SV2C: variants seen among roughly 807,000 people sequenced by gnomAD.
The protein encoded by SV2C is solute carrier family 22 member B3.
In SV2C, 49 loss-of-function variants were observed where a neutral mutation model predicts 79.7. The ratio of observed to expected loss-of-function variants is 0.61; its 90% CI spans 0.49 to 0.78. The LOEUF is 0.78. SV2C is among the 30% of genes least tolerant of loss of function. The pLI, the probability that SV2C is intolerant of heterozygous loss-of-function variation, is 0.00. For synonymous variants in SV2C, 334 were observed against 333.2 expected, an observed-to-expected ratio of 1.00 and a Z score of -0.03; for missense variants, 833 against 912.9, an observed-to-expected ratio of 0.91 and a Z score of 1.13.
chr5:76,180,936 G>A (rs1025588878), intron 2 of SV2C, among the ~76,000 whole-genome samples: 3 of 151,980 alleles, frequency 2.0e-5, no homozygotes. Flanking sequence ...CTTCTTCTTG[G>A]CCATATCCTT....
chr5:76,072,205 T>C, the SV2C span, among the ~76,000 whole-genome samples: 12 of 152,306 alleles, frequency 7.9e-5, no homozygotes, highest in East Asian at 2.1e-3. Flanking sequence ...GAGTTCCTTA[T>C]ATAGAAAAAC....
the SV2C span, among the ~76,000 whole-genome samples, chr5:75,871,634 G>A: frequency 1.3e-5 from 2 of 151,476 alleles, no homozygotes; most frequent in East Asian, 1.9e-4. Flanking sequence ...ATGGTGAAAC[G>A]CCGTCTCTAC....
At chr5:75,911,596 C>T in the SV2C span, 1 of 684,596 alleles carries the variant, frequency 1.5e-6, no homozygotes, top group South Asian at 1.6e-5. Context: ...ACAAAAGAAG[C>T]CAGTAAGAAC....
chr5:76,157,576 CACAT>C (rs1742770082), intron 2 of SV2C, among the ~76,000 whole-genome samples: 1 of 151,742 alleles, frequency 6.6e-6, no homozygotes, highest in African/African-American at 2.4e-5. Context: ...CATATATACA[CACAT>C]ACATATATAT....
intron 10 of SV2C, among the ~76,000 whole-genome samples, chr5:76,300,360 C>G (rs1747945245): frequency 6.6e-6 from 1 of 151,846 alleles, no homozygotes; most frequent in Non-Finnish European, 1.5e-5. Context: ...AGTATGGACA[C>G]TATTAGTACT....
At chr5:76,300,956 AT>A in intron 11 of SV2C, 24 bp downstream of exon 11, 1 of 1,612,460 alleles carries the variant, frequency 6.2e-7, no homozygotes, top group Non-Finnish European at 8.5e-7. Flanking sequence ...TTCATGTCAA[AT>A]AAAAGAGCTG....
the SV2C span, among the ~76,000 whole-genome samples, chr5:76,069,859 A>AACAC: frequency 7.3e-5 from 4 of 55,130 alleles, no homozygotes; most frequent in African/African-American, 9.5e-5. Context: ...CACACACACA[A>AACAC]ACACACACAC....
intron 3 of SV2C, among the ~76,000 whole-genome samples, chr5:76,200,503 CCTGT>C (rs1324075079): frequency 2.6e-5 from 4 of 152,312 alleles, no homozygotes; most frequent in Admixed American, 6.5e-5. Flanking sequence ...CCAAGGTTTA[CCTGT>C]CTGTGTGTTG....
At chr5:76,269,078 A>T (rs779190320) in intron 4 of SV2C, among the ~76,000 whole-genome samples, 1 of 152,022 alleles carries the variant, frequency 6.6e-6, no homozygotes, top group Non-Finnish European at 1.5e-5. Flanking sequence ...TCACAGCAAG[A>T]TTTCTCCTCC....
rs1296663385 is a variant in SV2C at position 76,326,414 on chromosome 5, A to G, written c.*867A>G. 1 of 152,208 alleles carries G rather than the reference A, an allele frequency of 6.6e-6. No homozygotes were observed. Among genetic ancestry groups the G allele is most frequent in the East Asian group, 1.9e-4 (1 of 5,200 alleles). 9.4% of individuals were successfully genotyped at this position (152,208 alleles called of 1,614,324 possible). ...GCTGCTTCTTAAAAACTGTCTGCCT[A>G]CCTGATTCTGCCACTTACCCACACT... On this transcript the variant is annotated 3_prime_UTR_variant, in exon 13 of 13. Coordinates refer to ENST00000502798, the MANE Select transcript of SV2C (RefSeq NM_014979.4).
chr5:76,085,847 A>ACACC (rs1325095803), intron 1 of SV2C, among the ~76,000 whole-genome samples: 3 of 151,788 alleles, frequency 2.0e-5, no homozygotes, highest in African/African-American at 7.3e-5. Flanking sequence ...ACACACACAC[A>ACACC]CACACACACA....
chr5:76,157,658 T>A (rs1318973899), intron 2 of SV2C, among the ~76,000 whole-genome samples: 1 of 151,760 alleles, frequency 6.6e-6, no homozygotes, highest in Admixed American at 6.6e-5. Context: ...GTGGAGGCAA[T>A]ATTATATTGG....
At chr5:75,978,445 A>T in the SV2C span, among the ~76,000 whole-genome samples, 1 of 152,172 alleles carries the variant, frequency 6.6e-6, no homozygotes, top group Non-Finnish European at 1.5e-5. Context: ...TAATCACTCT[A>T]AAATTTATTA....
chr5:75,895,007 T>G, the SV2C span, among the ~76,000 whole-genome samples: 1 of 152,232 alleles, frequency 6.6e-6, no homozygotes, highest in African/African-American at 2.4e-5. Flanking sequence ...CTTATTGATT[T>G]CATACATTAA....
chr5:76,174,214 C>T (rs764515977), intron 2 of SV2C: 51 of 1,604,016 alleles, frequency 3.2e-5, no homozygotes, highest in Non-Finnish European at 3.2e-5. Flanking sequence ...TAGTACTCTG[C>T]GAACCTCTCA....
chr5:76,108,451 C>A (rs765715841), intron 1 of SV2C, among the ~76,000 whole-genome samples: 2 of 152,032 alleles, frequency 1.3e-5, no homozygotes, highest in Non-Finnish European at 2.9e-5. Context: ...AACAGAGAGT[C>A]CGAGTATTAG....
At chr5:76,048,999 G>GAAAGAA in the SV2C span, among the ~76,000 whole-genome samples, 1 of 86,308 alleles carries the variant, frequency 1.2e-5, no homozygotes, top group Non-Finnish European at 2.3e-5. Flanking sequence ...AAGAAAGAAA[G>GAAAGAA]AAAGAAAGAA....
the SV2C span, among the ~76,000 whole-genome samples, chr5:76,044,395 G>C: frequency 6.6e-6 from 1 of 152,148 alleles, no homozygotes; most frequent in South Asian, 2.1e-4. Context: ...CTTTATGGTA[G>C]AATGATTTAT....
the SV2C span, among the ~76,000 whole-genome samples, chr5:76,017,060 A>G: frequency 6.6e-6 from 1 of 152,230 alleles, no homozygotes; most frequent in Non-Finnish European, 1.5e-5. Flanking sequence ...TATACCTTGT[A>G]TAATTTCATC....
Sources: allele counts gnomAD v4.1 joint callset (sites outside exome capture counted in the v4.1 genomes callset), GRCh38; gene constraint gnomAD v4.1.1; transcripts MANE v1.5; gene names NCBI Gene and HGNC (gene_info 2026-07-23, HGNC 2026-07-21).